FAM184A: variants seen among roughly 807,000 people sequenced by gnomAD.
The protein encoded by FAM184A is family with sequence similarity 184 member A, also known as protein FAM184A.
FAM184A carries 99 observed loss-of-function variants against 143.8 expected under a neutral mutation model. The observed-to-expected ratio is 0.69, with a 90% CI of 0.58 to 0.81. FAM184A has a LOEUF of 0.81. Ranked by LOEUF, FAM184A falls within the 40% of genes least tolerant of loss-of-function variation. The pLI is 0.00. For missense variants in FAM184A, 1,217 were observed against 1,310.5 expected, an observed-to-expected ratio of 0.93 and a Z score of 1.10; for synonymous variants, 427 against 446.4, an observed-to-expected ratio of 0.96 and a Z score of 0.55.
At chr6:119,105,658 A>G (rs1401198571) in intron 1 of FAM184A, among the ~76,000 whole-genome samples, 1 of 152,180 alleles carries the variant, frequency 6.6e-6, no homozygotes, top group Non-Finnish European at 1.5e-5. Context: ...TGTAAATCTA[A>G]AATTGTTCTA....
chr6:118,971,110 A>G (rs1783683081), intron 14 of FAM184A, among the ~76,000 whole-genome samples: 1 of 152,250 alleles, frequency 6.6e-6, no homozygotes, highest in Non-Finnish European at 1.5e-5. Flanking sequence ...TAAAGGAAAT[A>G]TAGCAATTGA....
chr6:118,971,346 G>A (rs1326239806), intron 14 of FAM184A, among the ~76,000 whole-genome samples: 5 of 151,996 alleles, frequency 3.3e-5, no homozygotes, highest in Non-Finnish European at 7.4e-5. Flanking sequence ...TTTTCAATTG[G>A]GGATTACTGA....
At chr6:119,080,326 C>G (rs182275363), upstream of FAM184A, among the ~76,000 whole-genome samples, 1 of 152,140 alleles carries the variant, frequency 6.6e-6, no homozygotes, top group Non-Finnish European at 1.5e-5. Context: ...GCTTCCAGCT[C>G]GGACTTGGTA....
At chr6:119,023,363 C>G (rs990485482) in intron 2 of FAM184A, among the ~76,000 whole-genome samples, 1 of 152,088 alleles carries the variant, frequency 6.6e-6, no homozygotes, top group African/African-American at 2.4e-5. Flanking sequence ...TTGTGGACTT[C>G]CGGCATTTTT....
chr6:119,098,821 G>T (rs745530552), intron 1 of FAM184A, among the ~76,000 whole-genome samples: 1 of 152,178 alleles, frequency 6.6e-6, no homozygotes, highest in Non-Finnish European at 1.5e-5. Flanking sequence ...AACAACTCAG[G>T]TACATGTGTT....
rs754625312 is a variant in FAM184A at position 119,023,982 on chromosome 6, C to T, written c.991G>A (p.Ala331Thr). The T allele has an allele frequency of 3.1e-6, 5 of 1,599,274 alleles. No homozygotes were observed. The East Asian group carries it at 1.1e-4, about 36-fold the overall frequency. ...DKCQKLQTAL[A>T]IAENNVQVLQ... is the part of the protein sequence containing the mutation. ...ACCTGAACATTGTTCTCTGCTATGG[C>T]AAGTGCCGTCTGAAGCTTTTGGCAT... The change falls in exon 2 of 18, where the codon GCC (alanine) becomes ACC (threonine). Residue 331 changes from alanine (A) to threonine (T), a missense_variant. By Grantham distance (58) the Ala-to-Thr change is moderately conservative. Transcript: ENST00000338891.
rs149177304 is a variant in FAM184A, at chr6:119,043,162, A to T, written c.160-18349T>A. ...TGTTCTACCTAATGACTATGAAATA[A>T]CCTATAAATTCATCAATTTTCATGA... On this transcript the variant is annotated intron_variant, in intron 1 of 17. Transcript: ENST00000338891. Among the ~76,000 whole-genome samples, 210 of 152,324 alleles carry T rather than the reference A, an allele frequency of 1.4e-3. 1 individual carries two copies. The highest frequency in any genetic ancestry group is 4.9e-3 in the African/African-American group (202 of 41,578).
intron 1 of FAM184A, among the ~76,000 whole-genome samples, chr6:119,065,731 GATTTCTCAAATCTCCTCCTCAGATTTGAT>G (rs1414074179): frequency 1.3e-5 from 2 of 152,144 alleles, no homozygotes; most frequent in East Asian, 1.9e-4. Context: ...TCAGATCTGA[GATTTCTCAAATCTCCTCCTCAGATTTGAT>G]ATTTCTCAAA....
chr6:119,067,376 A>T (rs1352378113), intron 1 of FAM184A, among the ~76,000 whole-genome samples: 1 of 152,202 alleles, frequency 6.6e-6, no homozygotes, highest in African/African-American at 2.4e-5. Context: ...AAACAGCAGG[A>T]GCTAAGAAAA....
intron 5 of FAM184A, 108 bp from the exon 6 acceptor site, chr6:119,011,539 A>G: frequency 1.4e-6 from 1 of 701,492 alleles, no homozygotes; most frequent in Non-Finnish European, 2.3e-6. Flanking sequence ...TTTGCTCTTC[A>G]AATTAGCCTT....
chr6:119,034,027 T>A (rs867463831), intron 1 of FAM184A, among the ~76,000 whole-genome samples: 8 of 20,322 alleles, frequency 3.9e-4, no homozygotes, highest in South Asian at 1.8e-3. Context: ...AAAATATATA[T>A]ATATATATAT....
intron 15 of FAM184A, among the ~76,000 whole-genome samples, chr6:118,966,434 A>G (rs191421297): frequency 3.3e-5 from 5 of 152,154 alleles, no homozygotes; most frequent in African/African-American, 7.2e-5. Flanking sequence ...TAGGAAATCA[A>G]TATGCTCAAC....
chr6:119,052,084 C>A (rs1786791750), intron 1 of FAM184A, among the ~76,000 whole-genome samples: 1 of 152,210 alleles, frequency 6.6e-6, no homozygotes, highest in Non-Finnish European at 1.5e-5. Flanking sequence ...TCTATTATGT[C>A]AGTCCTTGAA....
At chr6:119,076,126 G>A (rs1225225345) in intron 1 of FAM184A, among the ~76,000 whole-genome samples, 2 of 152,090 alleles carry the variant, frequency 1.3e-5, no homozygotes, top group Non-Finnish European at 2.9e-5. Flanking sequence ...GGGGGTGAGG[G>A]CAGCTACTAG....
intron 1 of FAM184A, among the ~76,000 whole-genome samples, chr6:119,038,970 T>C (rs1786215612): frequency 6.6e-6 from 1 of 152,118 alleles, no homozygotes; most frequent in Admixed American, 6.5e-5. Flanking sequence ...AATAAGAAAA[T>C]GAGTAATCTG....
chr6:119,106,273 C>T (rs6569041), intron 1 of FAM184A, among the ~76,000 whole-genome samples: 96,268 of 151,646 alleles, frequency 0.63, 31,235 homozygotes, highest in East Asian at 0.96. Context: ...GCGCCTGTAG[C>T]CCCAGCTACT....
intron 1 of FAM184A, among the ~76,000 whole-genome samples, chr6:119,050,328 T>C (rs889593788): frequency 6.6e-6 from 1 of 152,112 alleles, no homozygotes; most frequent in African/African-American, 2.4e-5. Flanking sequence ...CATTACTGGG[T>C]ATATACCCAG....
chr6:119,024,594 T>A lies in FAM184A; in HGVS notation c.379A>T (p.Thr127Ser), dbSNP rs1397171087. The A allele has an allele frequency of 8.7e-6, 14 of 1,614,062 alleles. No individual in the cohort carries two copies. The highest frequency in any genetic ancestry group is 1.2e-5 in the Non-Finnish European group (14 of 1,180,036). ...CTGTGCTTATAAGCTTCAAATTCTGTCAAAGCCTGCTGCTTCATTTTTATG... is the reference window on the plus strand; with the variant it reads ...CTGTGCTTATAAGCTTCAAATTCTGACAAAGCCTGCTGCTTCATTTTTATG... Reference protein sequence around the residue: ...DHIKMKQQALTEFEAYKHRVE... With the variant: ...DHIKMKQQALSEFEAYKHRVE... The change falls in exon 2 of 18, where the codon ACA becomes TCA. Residue 127 changes from threonine to serine, a missense_variant. Thr to Ser is a moderately conservative substitution (Grantham distance 58, BLOSUM62 1). Transcript: ENST00000338891.
At chr6:119,012,718 T>C (rs1785125307) in intron 5 of FAM184A, among the ~76,000 whole-genome samples, 1 of 152,156 alleles carries the variant, frequency 6.6e-6, no homozygotes, top group African/African-American at 2.4e-5. Context: ...ATTGGCTGTG[T>C]GGTTAGGCCA....
Sources: allele counts gnomAD v4.1 joint callset (sites outside exome capture counted in the v4.1 genomes callset), GRCh38; gene constraint gnomAD v4.1.1; transcripts MANE v1.5; gene names NCBI Gene and HGNC (gene_info 2026-07-23, HGNC 2026-07-21).